Variants in NRXN1 observed in about 807,000 individuals in gnomAD.
NRXN1 encodes the protein neurexin-1.
Under a neutral mutation model 150.9 loss-of-function variants are expected in NRXN1, and 39 were observed. The ratio of observed to expected loss-of-function variants is 0.26; its 90% confidence interval spans 0.20 to 0.34. The LOEUF (loss-of-function observed/expected upper bound fraction) is 0.34, where lower values mean the gene tolerates loss of function less well. NRXN1 is among the 10% of genes least tolerant of loss of function. The pLI, the probability that NRXN1 is intolerant of heterozygous loss-of-function variation, is 1.00. For synonymous variants in NRXN1, 924 were observed against 757.0 expected, an observed-to-expected ratio of 1.22 and a Z score of -3.62; for missense variants, 1,815 against 1,949.9, an observed-to-expected ratio of 0.93 and a Z score of 1.30.
At chr2:50,297,502 T>C (rs1228647069) in intron 17 of NRXN1, among the ~76,000 whole-genome samples, 1 of 152,094 alleles carries the variant, frequency 6.6e-6, no homozygotes, top group African/African-American at 2.4e-5. Flanking sequence ...AGAATCCAAG[T>C]TCAAAAAAAG....
At chr2:50,915,556 T>C (rs528094613) in intron 5 of NRXN1, among the ~76,000 whole-genome samples, 2 of 151,710 alleles carry the variant, frequency 1.3e-5, no homozygotes, top group East Asian at 3.9e-4. Context: ...GGATAATCAA[T>C]CTTTAATACT....
chr2:50,218,702 T>C (rs1051590898), intron 18 of NRXN1, among the ~76,000 whole-genome samples: 2 of 151,920 alleles, frequency 1.3e-5, no homozygotes, highest in African/African-American at 4.8e-5. Context: ...AATTAGAGTA[T>C]CTTTAGTCTT....
At chr2:50,991,165 T>C (rs961621652) in intron 2 of NRXN1, among the ~76,000 whole-genome samples, 3 of 152,020 alleles carry the variant, frequency 2.0e-5, no homozygotes, top group Admixed American at 6.6e-5. Context: ...GCTGTTAAGC[T>C]TTTTTGTGTT....
Position 50,964,663 on chromosome 2 carries a change from A to G in NRXN1, c.773-38708T>C, listed in dbSNP as rs192733910. On this transcript the variant is annotated intron_variant, in intron 2 of 22. Coordinates refer to ENST00000401669, the MANE Select transcript of NRXN1 (RefSeq NM_001330078.2). ...CAATTCATTACACATGAATTTGACAACTTTTCATTTAGACCCAATTTTCTA... is the reference window on the plus strand; with the variant it reads ...CAATTCATTACACATGAATTTGACAGCTTTTCATTTAGACCCAATTTTCTA... Among the ~76,000 whole-genome samples the G allele has an allele frequency of 2.0e-5, 3 of 151,650 alleles. No homozygotes were observed. In the East Asian group the frequency reaches 5.8e-4, roughly 29 times the overall value.
chr2:50,281,361 C>T (rs984069117), intron 17 of NRXN1, among the ~76,000 whole-genome samples: 3 of 149,324 alleles, frequency 2.0e-5, no homozygotes, highest in Non-Finnish European at 4.5e-5. Flanking sequence ...AGAACAATGG[C>T]AACATCACAA....
chr2:50,569,948 G>C (rs1453555045), intron 8 of NRXN1, among the ~76,000 whole-genome samples: 2 of 152,128 alleles, frequency 1.3e-5, no homozygotes, highest in African/African-American at 2.4e-5. Flanking sequence ...AAAGAATTCA[G>C]AATAAACACT....
intron 17 of NRXN1, among the ~76,000 whole-genome samples, chr2:50,338,348 C>T (rs1228778257): frequency 6.6e-6 from 1 of 151,946 alleles, no homozygotes; most frequent in Non-Finnish European, 1.5e-5. Context: ...ACTATGTAGG[C>T]ACAAATGGTC....
chr2:49,945,021 G>C (rs1672642637), intron 21 of NRXN1: 1 of 152,078 alleles, frequency 6.6e-6, no homozygotes, highest in Non-Finnish European at 1.5e-5. Context: ...GAAAGTATTA[G>C]GCTTAAAAAT....
chr2:50,354,797 C>T (rs1558586288), intron 17 of NRXN1, among the ~76,000 whole-genome samples: 1 of 151,846 alleles, frequency 6.6e-6, no homozygotes, highest in South Asian at 2.1e-4. Flanking sequence ...ATTAGGCCTC[C>T]AGTCCAACCA....
At chr2:50,316,674 T>C (rs971207140) in intron 17 of NRXN1, among the ~76,000 whole-genome samples, 1 of 152,076 alleles carries the variant, frequency 6.6e-6, no homozygotes, top group Non-Finnish European at 1.5e-5. Flanking sequence ...CTGCTGGAGA[T>C]AGTAAGGTAG....
At chr2:50,890,182 T>G (rs1680841677) in intron 5 of NRXN1, among the ~76,000 whole-genome samples, 1 of 151,772 alleles carries the variant, frequency 6.6e-6, no homozygotes, top group Non-Finnish European at 1.5e-5. Flanking sequence ...CAAAATTCCT[T>G]TTGCTATCTG....
chr2:50,030,558 C>T (rs1466039793), intron 21 of NRXN1, among the ~76,000 whole-genome samples: 3 of 152,126 alleles, frequency 2.0e-5, no homozygotes, highest in African/African-American at 7.2e-5. Context: ...AACTGTCCAA[C>T]ACTTTGTTTC....
chr2:50,595,539 G>A (rs1675041637), intron 8 of NRXN1, among the ~76,000 whole-genome samples: 1 of 152,088 alleles, frequency 6.6e-6, no homozygotes, highest in African/African-American at 2.4e-5. Context: ...AACATTTATA[G>A]CATTGCAAAG....
At chr2:50,789,121 T>C (rs540766388) in intron 5 of NRXN1, among the ~76,000 whole-genome samples, 2 of 152,320 alleles carry the variant, frequency 1.3e-5, no homozygotes, top group South Asian at 2.1e-4. Flanking sequence ...CCAAGGATTT[T>C]AAGTGTAATT....
At chr2:50,505,621 AT>A (rs904342737) in intron 13 of NRXN1, among the ~76,000 whole-genome samples, 3 of 151,962 alleles carry the variant, frequency 2.0e-5, no homozygotes, top group African/African-American at 7.3e-5. Flanking sequence ...TGCCCTGTAA[AT>A]TTTTTTTACC....
intron 17 of NRXN1, among the ~76,000 whole-genome samples, chr2:50,421,547 C>T (rs2084000212): frequency 6.6e-6 from 1 of 152,112 alleles, no homozygotes; most frequent in South Asian, 2.1e-4. Flanking sequence ...AGCTGGGCTG[C>T]ATGTATCTGA....
chr2:49,977,432 C>G (rs906995463), intron 21 of NRXN1, among the ~76,000 whole-genome samples: 7 of 152,128 alleles, frequency 4.6e-5, no homozygotes, highest in East Asian at 1.9e-4. Flanking sequence ...TATTTGGACC[C>G]AAATGTCAAC....
At chr2:51,009,923 C>T (rs563306435) in intron 2 of NRXN1, among the ~76,000 whole-genome samples, 1 of 151,652 alleles carries the variant, frequency 6.6e-6, no homozygotes, top group Non-Finnish European at 1.5e-5. Flanking sequence ...ACACACGAGA[C>T]CAAGTTAAAA....
chr2:50,245,777 G>C (rs1281193873), intron 17 of NRXN1, among the ~76,000 whole-genome samples: 1 of 151,324 alleles, frequency 6.6e-6, no homozygotes, highest in Non-Finnish European at 1.5e-5. Flanking sequence ...CATAAACATA[G>C]AACTTACTGC....
Sources: allele counts gnomAD v4.1 joint callset (sites outside exome capture counted in the v4.1 genomes callset), GRCh38; gene constraint gnomAD v4.1.1; transcripts MANE v1.5; gene names NCBI Gene and HGNC (gene_info 2026-07-23, HGNC 2026-07-21).